Variants in CTNNA2 observed in about 807,000 individuals in gnomAD.
The protein encoded by CTNNA2 is catenin alpha-2.
A neutral mutation model predicts 101.0 loss-of-function variants in CTNNA2; 42 were observed. The observed-to-expected ratio is 0.42, with a 90% CI of 0.32 to 0.54. The LOEUF (loss-of-function observed/expected upper bound fraction) is 0.54, where lower values mean the gene tolerates loss of function less well. Ranked by LOEUF, CTNNA2 falls within the 20% of genes least tolerant of loss-of-function variation. The pLI is 0.14. For synonymous variants in CTNNA2, 450 were observed against 456.4 expected (o/e 0.99, Z 0.18); for missense variants, 871 against 1,223.1 (o/e 0.71, Z 4.29).
chr2:79,202,594 A>G (rs1674051612), intron 2 of CTNNA2, among the ~76,000 whole-genome samples: 1 of 152,206 alleles, frequency 6.6e-6, no homozygotes, highest in South Asian at 2.1e-4. Context: ...CTTGGTATCA[A>G]CACATCTTCA....
intron 7 of CTNNA2, among the ~76,000 whole-genome samples, chr2:80,306,394 CTTT>C (rs1312182209): frequency 7.7e-6 from 1 of 129,418 alleles, no homozygotes; most frequent in East Asian, 2.2e-4. Context: ...CTTTTCTTTT[CTTT>C]TCTTTTCTTT....
chr2:80,099,291 C>T (rs1700387586), intron 7 of CTNNA2, among the ~76,000 whole-genome samples: 1 of 151,766 alleles, frequency 6.6e-6, no homozygotes, highest in African/African-American at 2.4e-5. Flanking sequence ...TTTTCTGGAC[C>T]CCAGAAAAAG....
At chr2:79,378,257 C>T (rs777129489) in intron 4 of CTNNA2, among the ~76,000 whole-genome samples, 3 of 152,010 alleles carry the variant, frequency 2.0e-5, no homozygotes, top group African/African-American at 4.8e-5. Context: ...TTGACATGGG[C>T]AATGGTGTCT....
At chr2:79,309,897 C>G (rs1676327254) in intron 2 of CTNNA2, among the ~76,000 whole-genome samples, 1 of 152,142 alleles carries the variant, frequency 6.6e-6, no homozygotes, top group African/African-American at 2.4e-5. Context: ...TTCTGTCCTT[C>G]AATAACACTT....
At chr2:79,288,421 G>T (rs1414277873) in intron 2 of CTNNA2, among the ~76,000 whole-genome samples, 1 of 152,188 alleles carries the variant, frequency 6.6e-6, no homozygotes, top group Non-Finnish European at 1.5e-5. Context: ...TGCTCAGCTT[G>T]GTAATCTTCG....
intron 7 of CTNNA2, among the ~76,000 whole-genome samples, chr2:80,254,539 C>A (rs1166802388): frequency 6.6e-6 from 1 of 152,134 alleles, no homozygotes; most frequent in East Asian, 1.9e-4. Flanking sequence ...CAGAGCTAAG[C>A]TGAGCTAAGG....
At chr2:79,332,525 A>G (rs541086922) in intron 3 of CTNNA2, among the ~76,000 whole-genome samples, 3 of 152,312 alleles carry the variant, frequency 2.0e-5, no homozygotes, top group African/African-American at 7.2e-5. Flanking sequence ...ACATTGAGAC[A>G]TCAGTAGGAT....
At chr2:79,545,785 T>A (rs540118969) in intron 1 of CTNNA2, among the ~76,000 whole-genome samples, 1 of 152,314 alleles carries the variant, frequency 6.6e-6, no homozygotes, top group African/African-American at 2.4e-5. Flanking sequence ...TACTTTTTTA[T>A]GCTCATAATA....
chr2:80,593,274 T>C (rs1696666741), intron 15 of CTNNA2, among the ~76,000 whole-genome samples: 1 of 152,150 alleles, frequency 6.6e-6, no homozygotes, highest in Admixed American at 6.5e-5. Context: ...TTCTTGTCGA[T>C]ATTGTCTTCC....
chr2:80,315,739 G>A (rs936570014), intron 7 of CTNNA2, among the ~76,000 whole-genome samples: 4 of 152,150 alleles, frequency 2.6e-5, no homozygotes, highest in African/African-American at 7.2e-5. Context: ...TTGATGGGAC[G>A]GGAAGAATTT....
chr2:80,422,669 C>A (rs933979683), intron 9 of CTNNA2, among the ~76,000 whole-genome samples: 3 of 152,150 alleles, frequency 2.0e-5, no homozygotes, highest in Non-Finnish European at 4.4e-5. Context: ...AGAATTGTAT[C>A]AAATGCTTTC....
At chr2:80,420,689 C>T (rs1276614245) in intron 9 of CTNNA2, among the ~76,000 whole-genome samples, 1 of 151,998 alleles carries the variant, frequency 6.6e-6, no homozygotes, top group Non-Finnish European at 1.5e-5. Flanking sequence ...TGCTAAGCAC[C>T]TGCTTAGTTT....
At chr2:80,401,328 T>A (rs1237337314) in intron 8 of CTNNA2, among the ~76,000 whole-genome samples, 2 of 152,108 alleles carry the variant, frequency 1.3e-5, no homozygotes, top group Non-Finnish European at 2.9e-5. Context: ...CATTCTAAAC[T>A]CACATGTCTC....
intron 9 of CTNNA2, among the ~76,000 whole-genome samples, chr2:80,432,019 G>T (rs1001442550): frequency 2.0e-5 from 3 of 151,640 alleles, no homozygotes; most frequent in African/African-American, 7.3e-5. Context: ...TTATTTTTTA[G>T]TTTTAATAAT....
chr2:79,742,186 A>C (rs1671332688), intron 2 of CTNNA2, among the ~76,000 whole-genome samples: 1 of 152,208 alleles, frequency 6.6e-6, no homozygotes, highest in Non-Finnish European at 1.5e-5. Context: ...ATGCACCATG[A>C]CATACAGAAG....
chr2:79,810,846 A>G (rs1256609479), intron 3 of CTNNA2, among the ~76,000 whole-genome samples: 2 of 151,976 alleles, frequency 1.3e-5, no homozygotes, highest in South Asian at 2.1e-4. Context: ...GTCCCTACAA[A>G]GGACATGAAC....
rs1676414477 is a variant in CTNNA2, at chr2:80,302,431, G to A, written c.1057-90780G>A. The A allele has an allele frequency of 1.2e-6, 2 of 1,614,236 alleles. No homozygotes were observed. The highest frequency in any genetic ancestry group is 1.7e-6 in the Non-Finnish European group (2 of 1,180,044). On this transcript the variant is annotated intron_variant, in intron 7 of 18. Coordinates refer to ENST00000402739, the MANE Select transcript of CTNNA2 (RefSeq NM_001282597.3). The surrounding 1 kb of genome is among the most constrained non-coding windows in gnomAD (Gnocchi z 6.4). Reference sequence around the variant, plus strand: ...TTTGCTTCCTGCGCTGCGTGACAAAGCACTGTCTGAGCTGCCTGAGGCTGG... The same window carrying A: ...TTTGCTTCCTGCGCTGCGTGACAAAACACTGTCTGAGCTGCCTGAGGCTGG...
At chr2:80,316,510 A>T (rs570001398) in intron 7 of CTNNA2, among the ~76,000 whole-genome samples, 1 of 152,180 alleles carries the variant, frequency 6.6e-6, no homozygotes, top group South Asian at 2.1e-4. Context: ...ACTCTTTAAG[A>T]TTTTATACAA....
intron 7 of CTNNA2, among the ~76,000 whole-genome samples, chr2:80,184,789 A>G (rs1307119168): frequency 6.9e-6 from 1 of 145,744 alleles, no homozygotes. Context: ...TTTAGTAACA[A>G]TTGAGTTCAT....
Sources: gnomAD v4.1 joint callset for allele counts (sites outside exome capture counted in the v4.1 genomes callset) on GRCh38, gnomAD v4.1.1 for gene constraint, Gnocchi (gnomAD v3.1) non-coding constraint, MANE v1.5 for transcripts, NCBI Gene and HGNC (gene_info 2026-07-23, HGNC 2026-07-21) for gene names.